Variants in MDGA2 observed in about 807,000 individuals in gnomAD.
The protein encoded by MDGA2 is MAM domain containing glycosylphosphatidylinositol anchor 2.
In MDGA2, 40 loss-of-function variants were observed where a neutral mutation model predicts 117.8. The observed-to-expected ratio is 0.34, with a 90% CI of 0.26 to 0.44. The LOEUF (loss-of-function observed/expected upper bound fraction) is 0.44, where lower values mean the gene tolerates loss of function less well. MDGA2 is among the 20% of genes least tolerant of loss of function. MDGA2 has a pLI of 1.00. For synonymous variants in MDGA2, 452 were observed against 439.0 expected (o/e 1.03, Z -0.37); for missense variants, 1,123 against 1,250.6 (o/e 0.90, Z 1.54).
At chr14:47,471,132 G>GT (rs1566473702) in intron 1 of MDGA2, among the ~76,000 whole-genome samples, 2 of 151,544 alleles carry the variant, frequency 1.3e-5, no homozygotes, top group Admixed American at 6.6e-5. Flanking sequence ...AAGTGTGTCT[G>GT]TTTTTTTTCT....
chr14:47,478,301 T>C (rs1893884425), intron 1 of MDGA2, among the ~76,000 whole-genome samples: 1 of 152,202 alleles, frequency 6.6e-6, no homozygotes, highest in South Asian at 2.1e-4. Flanking sequence ...AACACATTGA[T>C]GGCCAAAACA....
chr14:47,213,751 C>T (rs1332545875), intron 3 of MDGA2, among the ~76,000 whole-genome samples: 2 of 152,054 alleles, frequency 1.3e-5, no homozygotes, highest in African/African-American at 4.8e-5. Flanking sequence ...ACAGTATTTT[C>T]CTTTTTTTTC....
At chr14:47,348,666 T>C (rs1007540629) in intron 1 of MDGA2, among the ~76,000 whole-genome samples, 2 of 152,086 alleles carry the variant, frequency 1.3e-5, no homozygotes, top group African/African-American at 4.8e-5. Context: ...GAATACCTCC[T>C]TAACTGTAGC....
At chr14:47,484,823 T>C (rs944690902) in intron 1 of MDGA2, among the ~76,000 whole-genome samples, 12 of 152,190 alleles carry the variant, frequency 7.9e-5, no homozygotes, top group Non-Finnish European at 1.8e-4. Context: ...TTTCTTTGCC[T>C]GCCACCATCC....
intron 10 of MDGA2, among the ~76,000 whole-genome samples, chr14:46,918,277 T>C (rs1021600475): frequency 2.2e-4 from 30 of 136,154 alleles, no homozygotes; most frequent in Non-Finnish European, 4.9e-5. Flanking sequence ...ACAAAGCATG[T>C]ATAACAAAAA....
At chr14:47,178,693 G>T (rs1884576950) in intron 3 of MDGA2, among the ~76,000 whole-genome samples, 1 of 152,118 alleles carries the variant, frequency 6.6e-6, no homozygotes, top group Non-Finnish European at 1.5e-5. Flanking sequence ...TCATCATCTT[G>T]TGTCGTGGTG....
intron 2 of MDGA2, 28 bp from the exon 3 acceptor site, chr14:47,218,223 C>A: frequency 6.8e-7 from 1 of 1,468,236 alleles, no homozygotes; most frequent in Non-Finnish European, 9.1e-7. Context: ...AAGATTGTTA[C>A]TTTAGGTTGG....
intron 1 of MDGA2, among the ~76,000 whole-genome samples, chr14:47,373,841 G>C (rs1010437627): frequency 8.5e-5 from 13 of 152,222 alleles, no homozygotes; most frequent in Admixed American, 8.5e-4. Flanking sequence ...ACTCGATGTA[G>C]CTGAAAGAAA....
chr14:47,641,893 T>C (rs1488895617), intron 1 of MDGA2, among the ~76,000 whole-genome samples: 1 of 151,958 alleles, frequency 6.6e-6, no homozygotes, highest in African/African-American at 2.4e-5. Flanking sequence ...GATGCAAGGA[T>C]AGGAATGGAG....
intron 8 of MDGA2, among the ~76,000 whole-genome samples, chr14:46,986,092 T>C (rs1886849001): frequency 6.6e-6 from 1 of 152,040 alleles, no homozygotes; most frequent in South Asian, 2.1e-4. Context: ...CTTGCTAAAA[T>C]ATCAAGTTCC....
At chr14:47,009,445 C>CT (rs1424315121) in intron 8 of MDGA2, among the ~76,000 whole-genome samples, 1 of 152,002 alleles carries the variant, frequency 6.6e-6, no homozygotes, top group Non-Finnish European at 1.5e-5. Context: ...TTATGGAATC[C>CT]TGACATGCTA....
rs963092237 is a variant in MDGA2 at position 47,511,532 on chromosome 14, T to C, written c.280+162985A>G. Among the ~76,000 whole-genome samples, 22 of 152,302 alleles carry C rather than the reference T, an allele frequency of 1.4e-4. No individual in the cohort carries two copies. The East Asian group carries it at 3.1e-3, about 21-fold the overall frequency. On this transcript the variant is annotated intron_variant, in intron 1 of 16. Coordinates refer to ENST00000399232, the MANE Select transcript of MDGA2 (RefSeq NM_001113498.3). The stretch of plus-strand genomic sequence containing the variant: ...GAAAGTATCTATTAAATAACTAAAC[T>C]GTTTTAAAGTTTCTTTTTGTGGAAA...
intron 1 of MDGA2, among the ~76,000 whole-genome samples, chr14:47,484,005 T>G (rs1894005855): frequency 6.6e-6 from 1 of 152,340 alleles, no homozygotes; most frequent in African/African-American, 2.4e-5. Context: ...CATCCTCATT[T>G]TCATAGTTTT....
At chr14:47,210,783 C>T (rs1213943450) in intron 3 of MDGA2, among the ~76,000 whole-genome samples, 1 of 152,092 alleles carries the variant, frequency 6.6e-6, no homozygotes, top group Non-Finnish European at 1.5e-5. Context: ...CTTTGGGAGG[C>T]TGAGGCTAGA....
chr14:46,986,680 C>G (rs372774830), intron 8 of MDGA2, among the ~76,000 whole-genome samples: 1 of 152,084 alleles, frequency 6.6e-6, no homozygotes, highest in Non-Finnish European at 1.5e-5. Context: ...ACACAACTAG[C>G]TGCTTAGCAT....
chr14:46,907,257 C>T (rs1001514988), intron 10 of MDGA2, among the ~76,000 whole-genome samples: 24 of 152,218 alleles, frequency 1.6e-4, no homozygotes, highest in African/African-American at 4.8e-4. Flanking sequence ...GGGTTACAGG[C>T]GTGAGCCACT....
intron 4 of MDGA2, among the ~76,000 whole-genome samples, chr14:47,134,002 A>G (rs1882334496): frequency 6.6e-6 from 1 of 152,118 alleles, no homozygotes. Flanking sequence ...TATAATGGAC[A>G]AAATAATTGT....
intron 1 of MDGA2, among the ~76,000 whole-genome samples, chr14:47,362,521 G>A (rs775835397): frequency 1.3e-4 from 20 of 151,922 alleles, no homozygotes; most frequent in East Asian, 3.9e-4. Context: ...TATTTGCTGC[G>A]TTGGTTGCAT....
chr14:47,387,365 C>A (rs1237857523), intron 1 of MDGA2, among the ~76,000 whole-genome samples: 1 of 151,356 alleles, frequency 6.6e-6, no homozygotes, highest in African/African-American at 2.4e-5. Context: ...AGGATGGAAG[C>A]TGGAGGTGGA....
Sources: allele counts gnomAD v4.1 joint callset (sites outside exome capture counted in the v4.1 genomes callset), GRCh38; gene constraint gnomAD v4.1.1; transcripts MANE v1.5; gene names NCBI Gene and HGNC (gene_info 2026-07-23, HGNC 2026-07-21).